The following PAK5 variants were observed in gnomAD, a reference collection of about 807,000 sequenced individuals.
PAK5 encodes the protein p21 (RAC1) activated kinase 5, also known as serine/threonine-protein kinase PAK 5.
A neutral mutation model predicts 65.9 loss-of-function variants in PAK5; 16 were observed. The ratio of observed to expected loss-of-function variants is 0.24; its 90% confidence interval spans 0.16 to 0.37. PAK5 has a LOEUF of 0.37. Ranked by LOEUF, PAK5 falls within the 10% of genes least tolerant of loss-of-function variation. The pLI is 1.00. For missense variants in PAK5, 785 were observed against 903.9 expected (o/e 0.87, Z 1.69); for synonymous variants, 371 against 354.9 (o/e 1.05, Z -0.51).
At chr20:9,764,976 T>C (rs372045856) in intron 1 of PAK5, among the ~76,000 whole-genome samples, 61 of 152,292 alleles carry the variant, frequency 4.0e-4, no homozygotes, top group African/African-American at 1.4e-3. Context: ...GTACCTAGCT[T>C]TAGGCAATGA....
intron 1 of PAK5, among the ~76,000 whole-genome samples, chr20:9,762,498 G>A (rs185532001): frequency 5.8e-4 from 88 of 152,050 alleles, no homozygotes; most frequent in African/African-American, 2.1e-3. Context: ...ACAAACAAAT[G>A]GCCAACTATA....
intron 1 of PAK5, among the ~76,000 whole-genome samples, chr20:9,742,709 G>T (rs1418485379): frequency 6.6e-6 from 1 of 152,120 alleles, no homozygotes; most frequent in Non-Finnish European, 1.5e-5. Flanking sequence ...CTACATACTT[G>T]ATCTCCAAAT....
At chr20:9,750,189 G>A (rs1038422153) in intron 1 of PAK5, among the ~76,000 whole-genome samples, 1 of 151,838 alleles carries the variant, frequency 6.6e-6, no homozygotes, top group Non-Finnish European at 1.5e-5. Context: ...GCAAATGTTT[G>A]CCTCCCTGAC....
intron 2 of PAK5, among the ~76,000 whole-genome samples, chr20:9,708,812 C>T (rs1371534750): frequency 3.3e-5 from 5 of 152,148 alleles, no homozygotes; most frequent in African/African-American, 1.2e-4. Context: ...ACCCTAATTT[C>T]CATGCCCTTG....
intron 1 of PAK5, among the ~76,000 whole-genome samples, chr20:9,786,644 A>G (rs2048995656): frequency 6.6e-6 from 1 of 152,146 alleles, no homozygotes; most frequent in South Asian, 2.1e-4. Context: ...TCATGATTTT[A>G]TGTCATACCG....
chr20:9,676,179 C>A (rs1413411759), intron 2 of PAK5, among the ~76,000 whole-genome samples: 1 of 152,048 alleles, frequency 6.6e-6, no homozygotes, highest in Non-Finnish European at 1.5e-5. Context: ...TCTCGTGAGA[C>A]TTACTATCAC....
intron 2 of PAK5, among the ~76,000 whole-genome samples, chr20:9,675,792 TAACA>T (rs1344773469): frequency 6.6e-6 from 1 of 152,352 alleles, no homozygotes; most frequent in African/African-American, 2.4e-5. Flanking sequence ...TATTTATGGA[TAACA>T]AACAAATTAG....
intron 5 of PAK5, 89 bp from the exon 6 acceptor site, chr20:9,563,113 G>A: frequency 1.8e-6 from 2 of 1,141,978 alleles, no homozygotes; most frequent in Non-Finnish European, 2.6e-6. Context: ...TAAGTAAACT[G>A]ATTGAGAGGT....
chr20:9,549,530 T>C (rs1265057743), intron 7 of PAK5, among the ~76,000 whole-genome samples: 1 of 152,064 alleles, frequency 6.6e-6, no homozygotes, highest in African/African-American at 2.4e-5. Context: ...AGCATGAAAA[T>C]CTTGCAATAT....
intron 3 of PAK5, among the ~76,000 whole-genome samples, chr20:9,584,102 T>C (rs1362648165): frequency 1.3e-5 from 2 of 152,150 alleles, no homozygotes; most frequent in Non-Finnish European, 2.9e-5. Flanking sequence ...ATCATGTATA[T>C]AACCTGGGAC....
chr20:9,580,507 T>C lies in PAK5; in HGVS notation c.628A>G (p.Ser210Gly). ...TCCCACTTGAGGTCACTGTATTCACTTGGTTTGCTCAGTGAGTCCAAATGT... is the reference window on the plus strand; with the variant it reads ...TCCCACTTGAGGTCACTGTATTCACCTGGTTTGCTCAGTGAGTCCAAATGT... ...HSHLDSLSKP[S>G]EYSDLKWEYQ... The change falls in exon 4 of 10, where the codon AGT becomes GGT. Residue 210 changes from serine (S) to glycine (G), a missense_variant. This residue lies in a region of PAK5 where 422 missense variants were observed against 413.3 expected (regional missense o/e 1.02). Coordinates refer to ENST00000353224, the MANE Select transcript of PAK5 (RefSeq NM_177990.4). 1.2e-6 allele frequency: 2 copies of C among 1,614,156 alleles called. No individual in the cohort carries two copies. The highest frequency in any genetic ancestry group is 2.7e-5 in the African/African-American group (2 of 75,030).
intron 1 of PAK5, among the ~76,000 whole-genome samples, chr20:9,750,532 G>A (rs780619514): frequency 4.6e-5 from 7 of 152,062 alleles, no homozygotes; most frequent in Non-Finnish European, 1.0e-4. Context: ...TACTCAAAAT[G>A]GTTAGCATTT....
chr20:9,706,355 C>A lies in PAK5; in HGVS notation c.-12+4931G>T, dbSNP rs545755067. ...CTCCCTGAAGCCACAAACACAGTCA[C>A]ATGCTGAAAAGTTATTTCCTTCAGG... On this transcript the variant is annotated intron_variant, in intron 2 of 9. Coordinates refer to ENST00000353224, the MANE Select transcript of PAK5 (RefSeq NM_177990.4). Among the ~76,000 whole-genome samples, 16 of 152,282 alleles carry A rather than the reference C, an allele frequency of 1.1e-4. No homozygotes were observed. The South Asian group carries it at 2.7e-3, about 26-fold the overall frequency.
chr20:9,541,605 G>T (rs1273530397), intron 9 of PAK5, among the ~76,000 whole-genome samples: 3 of 152,034 alleles, frequency 2.0e-5, no homozygotes, highest in African/African-American at 7.2e-5. Flanking sequence ...TTTTCTCCAA[G>T]ATCTTTGCAT....
intron 1 of PAK5, among the ~76,000 whole-genome samples, chr20:9,780,979 CTT>C (rs2048935110): frequency 6.6e-6 from 1 of 152,044 alleles, no homozygotes. Context: ...TTGAATGTCT[CTT>C]TATTTCATGA....
At chr20:9,756,385 G>C (rs1428402756) in intron 1 of PAK5, among the ~76,000 whole-genome samples, 2 of 152,044 alleles carry the variant, frequency 1.3e-5, no homozygotes, top group Non-Finnish European at 2.9e-5. Context: ...GGGTAATTGG[G>C]ACACATGCCC....
At chr20:9,646,097 A>G (rs1437348582) in intron 2 of PAK5, among the ~76,000 whole-genome samples, 1 of 152,206 alleles carries the variant, frequency 6.6e-6, no homozygotes, top group Admixed American at 6.5e-5. Context: ...CACCCTGAAC[A>G]GCACATTTAT....
chr20:9,674,385 C>G, intron 2 of PAK5, among the ~76,000 whole-genome samples: 1 of 152,162 alleles, frequency 6.6e-6, no homozygotes, highest in East Asian at 1.9e-4. Flanking sequence ...CCCTATGTGT[C>G]CTGAAGTCAG....
chr20:9,743,580 G>C (rs1417323847), intron 1 of PAK5, among the ~76,000 whole-genome samples: 1 of 152,082 alleles, frequency 6.6e-6, no homozygotes, highest in Non-Finnish European at 1.5e-5. Flanking sequence ...GTGTATCAGA[G>C]GTGCAAGGCC....
Sources: allele counts gnomAD v4.1 joint callset (sites outside exome capture counted in the v4.1 genomes callset), GRCh38; gene constraint gnomAD v4.1.1; regional missense constraint gnomAD v4.1.1; transcripts MANE v1.5; gene names NCBI Gene and HGNC (gene_info 2026-07-23, HGNC 2026-07-21).